The following MED27 variants were observed in gnomAD, a reference collection of about 807,000 sequenced individuals.
The protein encoded by MED27 is mediator complex subunit 27.
Under a neutral mutation model 38.2 loss-of-function variants are expected in MED27, and 30 were observed. The ratio of observed to expected loss-of-function variants is 0.79; its 90% CI spans 0.59 to 1.07. MED27 has a LOEUF of 1.07. MED27 is among the 50% of genes least tolerant of loss of function. MED27 has a pLI of 0.00. For synonymous variants in MED27, 122 were observed against 153.5 expected, an observed-to-expected ratio of 0.79 and a Z score of 1.52; for missense variants, 289 against 397.5, an observed-to-expected ratio of 0.73 and a Z score of 2.32.
At chr9:131,902,500 C>T (rs1050013083) in intron 4 of MED27, among the ~76,000 whole-genome samples, 13 of 152,040 alleles carry the variant, frequency 8.6e-5, no homozygotes, top group African/African-American at 3.1e-4. Flanking sequence ...AGGACTGTAT[C>T]GAGCGGGACA....
At chr9:132,044,087 A>G (rs1335039160) in intron 2 of MED27, among the ~76,000 whole-genome samples, 1 of 152,218 alleles carries the variant, frequency 6.6e-6, no homozygotes, top group Non-Finnish European at 1.5e-5. Context: ...GAGATAACAA[A>G]GGAAAAGAGA....
chr9:132,038,538 A>G (rs1315296042), intron 2 of MED27, among the ~76,000 whole-genome samples: 1 of 152,230 alleles, frequency 6.6e-6, no homozygotes, highest in Admixed American at 6.5e-5. Context: ...GAAATAAACA[A>G]AGGCTACTTC....
intron 2 of MED27, among the ~76,000 whole-genome samples, chr9:132,024,972 T>C (rs1589273291): frequency 1.3e-5 from 2 of 152,186 alleles, no homozygotes; most frequent in Non-Finnish European, 2.9e-5. Flanking sequence ...AGCACTCTAT[T>C]TCTGTCGGTC....
At chr9:132,077,324 C>G in intron 2 of MED27, 118 bp downstream of exon 2, 1 of 1,038,864 alleles carries the variant, frequency 9.6e-7, no homozygotes, top group East Asian at 2.4e-5. Flanking sequence ...ACTCTATAAC[C>G]CCATGCTGAA....
intron 2 of MED27, among the ~76,000 whole-genome samples, chr9:132,047,441 GACAC>G (rs56144736): frequency 0.017 from 2,463 of 145,240 alleles, 33 homozygotes; most frequent in South Asian, 0.065. Flanking sequence ...TAATGTTTTA[GACAC>G]ACACACACAC....
intron 3 of MED27, among the ~76,000 whole-genome samples, chr9:131,961,057 C>G (rs1336575649): frequency 6.6e-6 from 1 of 152,186 alleles, no homozygotes; most frequent in East Asian, 1.9e-4. Context: ...CCTGCCACAG[C>G]TCAGGGAAAC....
In MED27 at chr9:131,957,366, C is replaced by T. The variant is rs955982800; in HGVS notation, c.480-17892G>A. 6.6e-5 allele frequency among the ~76,000 whole-genome samples: 10 copies of T among 152,182 alleles called. No individual in the cohort carries two copies. The East Asian group carries it at 1.7e-3, about 26-fold the overall frequency. ...ATCTCCCGGGCACAAGCAATCCCTCCGCCTCAGCCTCCTGAGTAGCTGGGA... is the reference window on the plus strand; with the variant it reads ...ATCTCCCGGGCACAAGCAATCCCTCTGCCTCAGCCTCCTGAGTAGCTGGGA... On this transcript the variant is annotated intron_variant, in intron 3 of 7. Coordinates refer to ENST00000292035, the MANE Select transcript of MED27 (RefSeq NM_004269.4).
chr9:131,993,099 T>G (rs1832012829), intron 3 of MED27, among the ~76,000 whole-genome samples: 1 of 152,206 alleles, frequency 6.6e-6, no homozygotes, highest in Non-Finnish European at 1.5e-5. Flanking sequence ...ATATGCAGGA[T>G]GTTCCAAATC....
intron 3 of MED27, among the ~76,000 whole-genome samples, chr9:131,984,226 G>A (rs1024998183): frequency 3.9e-5 from 6 of 152,030 alleles, no homozygotes; most frequent in Admixed American, 3.3e-4. Flanking sequence ...CTTCACATCC[G>A]CCCCACTTTC....
rs564244179 is a variant in MED27 at position 131,963,925 on chromosome 9, C to T, written c.480-24451G>A. ...AGCACTTTCGGTTAGGCCTCCTCTC[C>T]ATACTTCTTGGTTCTTGACTGCGTT... On this transcript the variant is annotated intron_variant, in intron 3 of 7. Transcript: ENST00000292035. Among the ~76,000 whole-genome samples, 152 of 152,252 alleles carry T rather than the reference C, an allele frequency of 1.0e-3. 1 individual carries two copies. The highest frequency in any genetic ancestry group is 3.5e-3 in the African/African-American group (146 of 41,540).
At chr9:132,061,252 T>A (rs1273979312) in intron 2 of MED27, among the ~76,000 whole-genome samples, 2 of 152,224 alleles carry the variant, frequency 1.3e-5, no homozygotes, top group African/African-American at 4.8e-5. Context: ...GGTGCCTTAT[T>A]CACAGCACAT....
Position 131,861,135 on chromosome 9 carries a change from T to C in MED27, c.802-463A>G, listed in dbSNP as rs7034556. 2.0e-3 allele frequency among the ~76,000 whole-genome samples: 303 copies of C among 152,222 alleles called. 1 individual carries two copies. The highest frequency in any genetic ancestry group is 6.6e-3 in the African/African-American group (273 of 41,520). ...TCTCCGCGGAGGTCAACATGCCTTC[T>C]AGCTAATCTGATTTCAGAGGTTGTC... On this transcript the variant is annotated intron_variant, in intron 7 of 7. Transcript: ENST00000292035. The surrounding 1 kb of genome is among the most constrained non-coding windows in gnomAD (Gnocchi z 4.4).
chr9:131,869,452 C>T (rs1231149136), intron 6 of MED27: 16 of 966,706 alleles, frequency 1.7e-5, no homozygotes, highest in Admixed American at 1.2e-4. Context: ...AGCCGAGGTT[C>T]GGTCCCATTG....
intron 2 of MED27, among the ~76,000 whole-genome samples, chr9:132,035,659 G>A (rs1054098654): frequency 2.0e-5 from 3 of 152,138 alleles, no homozygotes; most frequent in African/African-American, 7.2e-5. Flanking sequence ...TGATCATCTC[G>A]ACAGTGAAAA....
At chr9:131,900,308 GCCTGCCAAGCTGTATT>G (rs1260938267) in intron 4 of MED27, among the ~76,000 whole-genome samples, 1 of 152,216 alleles carries the variant, frequency 6.6e-6, no homozygotes, top group Non-Finnish European at 1.5e-5. Context: ...TCCAGCAATC[GCCTGCCAAGCTGTATT>G]CCACGAAGAG....
rs1274914864 is a variant in MED27, at chr9:131,997,198, T to G, written c.479+17139A>C. ...CGCTTCCGGAGAATAAAGAATTAAC[T>G]TCCAGCATGCTGGAGCTTAGCCATC... On this transcript the variant is annotated intron_variant, in intron 3 of 7. Transcript: ENST00000292035. The surrounding 1 kb of genome is among the most constrained non-coding windows in gnomAD (Gnocchi z 4.0). Among the ~76,000 whole-genome samples the G allele has an allele frequency of 1.3e-5, 2 of 152,114 alleles. No homozygotes were observed. Among genetic ancestry groups the G allele is most frequent in the Non-Finnish European group, 2.9e-5 (2 of 68,032 alleles).
intron 6 of MED27, among the ~76,000 whole-genome samples, chr9:131,880,492 G>C (rs1182086183): frequency 6.6e-6 from 1 of 152,186 alleles, no homozygotes; most frequent in Non-Finnish European, 1.5e-5. Context: ...CAGAGGTTAA[G>C]TCCACTTAGT....
intron 2 of MED27, among the ~76,000 whole-genome samples, chr9:132,050,531 T>C (rs999592539): frequency 6.6e-6 from 1 of 152,214 alleles, no homozygotes; most frequent in African/African-American, 2.4e-5. Context: ...CCTGATTATG[T>C]TCACAGGGAA....
chr9:131,966,447 C>T (rs1424326489), intron 3 of MED27, among the ~76,000 whole-genome samples: 1 of 145,734 alleles, frequency 6.9e-6, no homozygotes, highest in Non-Finnish European at 1.5e-5. Context: ...CACTAATGGT[C>T]CCTAAACTCA....
Sources: gnomAD v4.1 joint callset for allele counts (sites outside exome capture counted in the v4.1 genomes callset) on GRCh38, gnomAD v4.1.1 for gene constraint, Gnocchi (gnomAD v3.1) non-coding constraint, MANE v1.5 for transcripts, NCBI Gene and HGNC (gene_info 2026-07-23, HGNC 2026-07-21) for gene names.